The following IMMP2L variants were observed in gnomAD, a reference collection of about 807,000 sequenced individuals.
The protein encoded by IMMP2L is mitochondrial inner membrane protease subunit 2.
IMMP2L carries 18 observed loss-of-function variants against 19.3 expected under a neutral mutation model. The ratio of observed to expected loss-of-function variants is 0.93; its 90% confidence interval spans 0.64 to 1.38. IMMP2L has a LOEUF of 1.38. IMMP2L is among the 40% of genes most tolerant of loss of function. The probability of loss-of-function intolerance (pLI) is 0.00; values close to 1 mark genes in which losing one functional copy is unlikely to be tolerated. For synonymous variants in IMMP2L, 76 were observed against 73.0 expected, an observed-to-expected ratio of 1.04 and a Z score of -0.21; for missense variants, 233 against 218.2, an observed-to-expected ratio of 1.07 and a Z score of -0.43.
chr7:110,689,527 T>C (rs998948657), intron 5 of IMMP2L, among the ~76,000 whole-genome samples: 2 of 152,216 alleles, frequency 1.3e-5, no homozygotes, highest in Non-Finnish European at 2.9e-5. Context: ...TTTTCATTTC[T>C]AAAAGTCAGC....
intron 3 of IMMP2L, among the ~76,000 whole-genome samples, chr7:111,279,546 T>C (rs1271311286): frequency 6.6e-6 from 1 of 152,146 alleles, no homozygotes; most frequent in East Asian, 1.9e-4. Context: ...CCTAAGTGAA[T>C]TACGAAAACC....
At chr7:111,404,034 T>C (rs1005912172) in intron 3 of IMMP2L, among the ~76,000 whole-genome samples, 2 of 152,118 alleles carry the variant, frequency 1.3e-5, no homozygotes, top group Non-Finnish European at 2.9e-5. Flanking sequence ...ACAGGGAGTT[T>C]TATCCTTTAT....
intron 3 of IMMP2L, among the ~76,000 whole-genome samples, chr7:110,979,317 A>G (rs1821009820): frequency 6.6e-6 from 1 of 152,016 alleles, no homozygotes; most frequent in Non-Finnish European, 1.5e-5. Context: ...TTTTTCTCAA[A>G]TCCCCCTTGA....
intron 3 of IMMP2L, among the ~76,000 whole-genome samples, chr7:111,406,019 T>C (rs1401453506): frequency 1.3e-5 from 2 of 152,086 alleles, no homozygotes; most frequent in Non-Finnish European, 2.9e-5. Context: ...TAGCTTTAAA[T>C]ATAATGTATA....
At chr7:110,965,239 G>A (rs1819409153) in intron 3 of IMMP2L, among the ~76,000 whole-genome samples, 1 of 151,936 alleles carries the variant, frequency 6.6e-6, no homozygotes, top group South Asian at 2.1e-4. Context: ...ATCATGCATA[G>A]ATAAAAATAT....
At chr7:111,312,910 C>G (rs7811308) in intron 3 of IMMP2L, among the ~76,000 whole-genome samples, 68,390 of 151,742 alleles carry the variant, frequency 0.45, 15,904 homozygotes, top group Non-Finnish European at 0.52. Context: ...ATACCAGAAA[C>G]TGATTATACA....
intron 5 of IMMP2L, among the ~76,000 whole-genome samples, chr7:110,693,201 T>C (rs1793632190): frequency 6.6e-6 from 1 of 152,228 alleles, no homozygotes; most frequent in Non-Finnish European, 1.5e-5. Context: ...AATTGTCTAC[T>C]TCTTAAGAAG....
At chr7:110,999,633 G>A (rs555307144) in intron 3 of IMMP2L, among the ~76,000 whole-genome samples, 45 of 148,380 alleles carry the variant, frequency 3.0e-4, no homozygotes, top group African/African-American at 1.0e-3. Context: ...ACCAAGATAC[G>A]TATGTTCTCT....
chr7:111,376,895 A>T (rs1054604917), intron 3 of IMMP2L, among the ~76,000 whole-genome samples: 4 of 152,018 alleles, frequency 2.6e-5, no homozygotes, highest in African/African-American at 9.7e-5. Context: ...GACAGAGTGA[A>T]TGGAGGTGGC....
intron 3 of IMMP2L, among the ~76,000 whole-genome samples, chr7:111,067,343 G>C (rs1177122720): frequency 6.6e-6 from 1 of 152,158 alleles, no homozygotes; most frequent in African/African-American, 2.4e-5. Flanking sequence ...CTCTGACCTG[G>C]GAAGCTGACC....
At chr7:111,401,024 T>C (rs979721198) in intron 3 of IMMP2L, among the ~76,000 whole-genome samples, 5 of 152,180 alleles carry the variant, frequency 3.3e-5, no homozygotes, top group African/African-American at 1.2e-4. Flanking sequence ...CTAGTTTAGT[T>C]GTTTTTAATA....
intron 3 of IMMP2L, among the ~76,000 whole-genome samples, chr7:111,092,483 G>A (rs909712877): frequency 2.0e-5 from 3 of 152,198 alleles, no homozygotes; most frequent in South Asian, 2.1e-4. Flanking sequence ...GAGTAGAACC[G>A]TCCTAATTTA....
At chr7:111,375,932 T>C (rs1830644299) in intron 3 of IMMP2L, among the ~76,000 whole-genome samples, 1 of 152,070 alleles carries the variant, frequency 6.6e-6, no homozygotes, top group Non-Finnish European at 1.5e-5. Flanking sequence ...ACAATAACAA[T>C]AGTAATACAA....
chr7:110,733,786 C>A (rs1200471828), intron 5 of IMMP2L, among the ~76,000 whole-genome samples: 4 of 152,006 alleles, frequency 2.6e-5, no homozygotes, highest in Non-Finnish European at 5.9e-5. Context: ...TTTGGCCCTT[C>A]TTCCCCCTCT....
intron 5 of IMMP2L, among the ~76,000 whole-genome samples, chr7:110,816,993 C>A (rs1459747923): frequency 6.6e-6 from 1 of 152,008 alleles, no homozygotes; most frequent in Non-Finnish European, 1.5e-5. Context: ...TTATGTGTGA[C>A]TTTGGTCCTG....
intron 3 of IMMP2L, among the ~76,000 whole-genome samples, chr7:111,036,515 T>C (rs149041809): frequency 6.6e-6 from 1 of 152,336 alleles, no homozygotes; most frequent in African/African-American, 2.4e-5. Context: ...AATTTATCTC[T>C]AGACACTTAA....
intron 3 of IMMP2L, among the ~76,000 whole-genome samples, chr7:110,994,134 T>TC (rs143251467): frequency 7.7e-5 from 8 of 103,256 alleles, no homozygotes; most frequent in Admixed American, 3.5e-4. Context: ...ACTCTCTCTC[T>TC]TTTTTTTTTC....
rs748420273 is a variant in IMMP2L, at chr7:111,233,176, TAA to T, written c.239+254060_239+254061del. Among the ~76,000 whole-genome samples, 260 of 152,288 alleles carry T rather than the reference TAA, an allele frequency of 1.7e-3. 2 individuals carry two copies. The highest frequency in any genetic ancestry group is 4.7e-4 in the Non-Finnish European group (32 of 68,020). ...GTAGATTACATTCAATGCATGCACA[TAA>T]GTTAGCCACTTTTTAAAATGAGTAA... is the stretch of plus-strand genomic sequence containing the variant. On this transcript the variant is annotated intron_variant, in intron 3 of 5. Coordinates refer to ENST00000405709, the MANE Select transcript of IMMP2L (RefSeq NM_032549.4).
chr7:111,254,851 G>A (rs2129633067), intron 3 of IMMP2L, among the ~76,000 whole-genome samples: 1 of 152,164 alleles, frequency 6.6e-6, no homozygotes, highest in South Asian at 2.1e-4. Context: ...GTTCCAACCT[G>A]TGTTGTTCAA....
Sources: allele counts gnomAD v4.1 joint callset (sites outside exome capture counted in the v4.1 genomes callset), GRCh38; gene constraint gnomAD v4.1.1; transcripts MANE v1.5; gene names NCBI Gene and HGNC (gene_info 2026-07-23, HGNC 2026-07-21).